SDK1: variants seen among roughly 807,000 people sequenced by gnomAD.
SDK1 encodes protein sidekick-1.
A neutral mutation model predicts 245.5 loss-of-function variants in SDK1; 157 were observed. That is an observed-to-expected ratio of 0.64 (90% CI 0.56 to 0.73). The LOEUF (loss-of-function observed/expected upper bound fraction) is 0.73. SDK1 is among the 30% of genes least tolerant of loss of function. SDK1 has a pLI of 0.00. For synonymous variants in SDK1, 1,647 were observed against 1,278.5 expected (o/e 1.29, Z -6.15); for missense variants, 3,583 against 3,002.3 (o/e 1.19, Z -4.52).
intron 5 of SDK1, among the ~76,000 whole-genome samples, chr7:3,857,296 G>C (rs1278444522): frequency 6.6e-6 from 1 of 152,056 alleles, no homozygotes; most frequent in African/African-American, 2.4e-5. Flanking sequence ...AGGAGGAGGA[G>C]AAAGGGGAAA....
intron 1 of SDK1, among the ~76,000 whole-genome samples, chr7:3,519,411 CAAAT>C (rs1389690515): frequency 3.9e-5 from 6 of 151,914 alleles, no homozygotes; most frequent in East Asian, 1.9e-4. Context: ...TATTATGTGT[CAAAT>C]AAAAATAAAA....
In SDK1 at chr7:4,041,757, G is replaced by A. The variant is rs758643654; in HGVS notation, c.2603-7591G>A. 4.4e-5 allele frequency among the ~76,000 whole-genome samples: 6 copies of A among 136,322 alleles called. 1 individual carries two copies. Among genetic ancestry groups the A allele is most frequent in the South Asian group, 4.5e-4 (2 of 4,464 alleles). The allele number at this position is 136,322 out of a possible 152,430, so 89.4% of individuals were successfully genotyped here. A position where few individuals can be genotyped will look rare whatever the true frequency, so the allele number is the denominator to read the frequency against. ...GAGGAATGTTTAATGCATGCGTGTC[G>A]TGAAAACACAGCATATATATAGTGA... On this transcript the variant is annotated intron_variant, in intron 17 of 44. Coordinates refer to ENST00000404826, the MANE Select transcript of SDK1 (RefSeq NM_152744.4).
intron 16 of SDK1, among the ~76,000 whole-genome samples, chr7:4,012,725 C>A (rs1282009757): frequency 1.3e-5 from 2 of 151,526 alleles, no homozygotes; most frequent in African/African-American, 2.4e-5. Flanking sequence ...AGGCATGTGC[C>A]ACCACACCTG....
Position 3,619,123 on chromosome 7 carries a change from G to C in SDK1, c.342G>C (p.Gln114His), listed in dbSNP as rs1781857704. ...TTAAAACGGAGCCAGGCCTACCACA[G>C]ATCCACCTGGAAGGGAACCGCCTTG... ...PYFKTEPGLPQIHLEGNRLVL... is the reference protein window; with the variant it reads ...PYFKTEPGLPHIHLEGNRLVL... Residue 114 changes from glutamine to histidine, a missense_variant, in exon 2 of 45, where the codon CAG (glutamine) becomes CAC (histidine). Transcript: ENST00000404826. The C allele has an allele frequency of 5.6e-6, 9 of 1,613,196 alleles. No individual in the cohort carries two copies. Among genetic ancestry groups the C allele is most frequent in the African/African-American group, 1.3e-5 (1 of 74,906 alleles).
At chr7:3,897,376 C>A (rs1781638621) in intron 5 of SDK1, among the ~76,000 whole-genome samples, 1 of 152,130 alleles carries the variant, frequency 6.6e-6, no homozygotes, top group Admixed American at 6.5e-5. Flanking sequence ...CCTTCCCCAG[C>A]CCCTGGCACC....
chr7:4,021,362 G>A (rs1369583730), intron 17 of SDK1, among the ~76,000 whole-genome samples: 3 of 152,168 alleles, frequency 2.0e-5, no homozygotes, highest in African/African-American at 2.4e-5. Flanking sequence ...TGTGATCCAC[G>A]TGGCGGGGAC....
At chr7:3,632,627 TTAAA>T (rs1165916373) in intron 2 of SDK1, among the ~76,000 whole-genome samples, 4 of 152,230 alleles carry the variant, frequency 2.6e-5, no homozygotes, top group Admixed American at 2.6e-4. Context: ...AATACACAGA[TTAAA>T]TAACTTTTAC....
intron 1 of SDK1, among the ~76,000 whole-genome samples, chr7:3,327,714 T>G (rs1370094173): frequency 6.6e-6 from 1 of 152,146 alleles, no homozygotes; most frequent in African/African-American, 2.4e-5. Context: ...AAACTTGACC[T>G]GAATGACTGT....
rs548551091 is a variant in SDK1 at position 3,425,419 on chromosome 7, T to G, written c.298+123535T>G. Among the ~76,000 whole-genome samples the G allele has an allele frequency of 5.3e-5, 8 of 152,304 alleles. No individual in the cohort carries two copies. The East Asian group carries it at 1.5e-3, about 29-fold the overall frequency. ...TAACTCTTTGGTAACCCATTTAAAT[T>G]GTCATCTTCCAATTTTCTGTATTTT... On this transcript the variant is annotated intron_variant, in intron 1 of 44. Transcript: ENST00000404826.
intron 4 of SDK1, among the ~76,000 whole-genome samples, chr7:3,654,018 G>C (rs1483832112): frequency 6.6e-6 from 1 of 152,124 alleles, no homozygotes; most frequent in African/African-American, 2.4e-5. Flanking sequence ...GGGGTGTTCA[G>C]GTAAAAAACG....
intron 4 of SDK1, among the ~76,000 whole-genome samples, chr7:3,723,959 GAGAGAGAGAGAGAGAGAGAA>G (rs1415923905): frequency 6.7e-6 from 1 of 149,376 alleles, no homozygotes; most frequent in Non-Finnish European, 1.5e-5. Context: ...GAGAGAGAGA[GAGAGAGAGAGAGAGAGAGAA>G]AGAGAGAGAG....
At chr7:3,563,578 T>C (rs1251962948) in intron 1 of SDK1, among the ~76,000 whole-genome samples, 1 of 152,220 alleles carries the variant, frequency 6.6e-6, no homozygotes, top group East Asian at 1.9e-4. Context: ...ATTGACAGAA[T>C]TGCAGAGAGA....
At chr7:3,409,643 T>C (rs1251708062) in intron 1 of SDK1, among the ~76,000 whole-genome samples, 1 of 152,058 alleles carries the variant, frequency 6.6e-6, no homozygotes. Context: ...ATCCCAAGAC[T>C]GGAGGTGGAT....
chr7:3,682,473 G>A (rs747278529), intron 4 of SDK1, among the ~76,000 whole-genome samples: 1 of 6,882 alleles, frequency 1.5e-4, no homozygotes, highest in African/African-American at 5.3e-4. Context: ...TAATGGCAGC[G>A]TTCCCACGGA....
rs148324008 is a variant in SDK1, at chr7:3,548,268, A to C, written c.299-70812A>C. 9.8e-5 allele frequency among the ~76,000 whole-genome samples: 15 copies of C among 152,332 alleles called. No individual in the cohort carries two copies. In the East Asian group the frequency reaches 2.9e-3, roughly 29 times the overall value. On this transcript the variant is annotated intron_variant, in intron 1 of 44. Transcript: ENST00000404826. ...AAATATCATTGATATAACTGATTAT[A>C]CATCTGGAAAAAATAATTGTAGGAA...
At chr7:3,327,298 T>C (rs1236371630) in intron 1 of SDK1, among the ~76,000 whole-genome samples, 1 of 152,166 alleles carries the variant, frequency 6.6e-6, no homozygotes, top group Non-Finnish European at 1.5e-5. Context: ...GAGACAGCTA[T>C]CTGCAGATTT....
chr7:3,759,131 C>A (rs2114987243), intron 4 of SDK1, among the ~76,000 whole-genome samples: 1 of 152,308 alleles, frequency 6.6e-6, no homozygotes, highest in African/African-American at 2.4e-5. Context: ...AAAATACAGG[C>A]TTTACCTATG....
At chr7:3,448,759 T>A (rs897068151) in intron 1 of SDK1, among the ~76,000 whole-genome samples, 1 of 152,160 alleles carries the variant, frequency 6.6e-6, no homozygotes, top group Admixed American at 6.5e-5. Flanking sequence ...TTTAAAAAAA[T>A]ATTTAAATGG....
intron 22 of SDK1, among the ~76,000 whole-genome samples, chr7:4,084,798 G>A (rs895693786): frequency 6.6e-5 from 10 of 151,118 alleles, no homozygotes; most frequent in Non-Finnish European, 1.2e-4. Flanking sequence ...ATGGAGTTTC[G>A]CTCTTGTCAC....
Sources: allele counts gnomAD v4.1 joint callset (sites outside exome capture counted in the v4.1 genomes callset), GRCh38; gene constraint gnomAD v4.1.1; transcripts MANE v1.5; gene names NCBI Gene and HGNC (gene_info 2026-07-23, HGNC 2026-07-21).